The following ART3 variants were observed in gnomAD, a reference collection of about 807,000 sequenced individuals.
The protein encoded by ART3 is ecto-ADP-ribosyltransferase 3.
Under a neutral mutation model 48.5 loss-of-function variants are expected in ART3, and 49 were observed. The observed-to-expected ratio is 1.01, with a 90% confidence interval of 0.80 to 1.28. The LOEUF (loss-of-function observed/expected upper bound fraction) is 1.28, where lower values mean the gene tolerates loss of function less well. Among genes scored for constraint, ART3 ranks in the 50% most tolerant of loss-of-function variants. The pLI, the probability that ART3 is intolerant of heterozygous loss-of-function variation, is 0.00. For synonymous variants in ART3, 145 were observed against 157.2 expected (o/e 0.92, Z 0.58); for missense variants, 438 against 454.3 (o/e 0.96, Z 0.33).
chr4:76,020,479 T>A (rs1732694162), intron 1 of ART3, among the ~76,000 whole-genome samples: 1 of 152,198 alleles, frequency 6.6e-6, no homozygotes, highest in Non-Finnish European at 1.5e-5. Context: ...ATTGTGAAGA[T>A]CTTCTTAGTA....
chr4:76,053,009 A>G (rs1303367515), intron 1 of ART3, among the ~76,000 whole-genome samples: 1 of 152,158 alleles, frequency 6.6e-6, no homozygotes, highest in Non-Finnish European at 1.5e-5. Flanking sequence ...GATTATAAGC[A>G]TGAGCCCCTG....
At chr4:76,030,156 A>G (rs1437966774) in intron 1 of ART3, among the ~76,000 whole-genome samples, 4 of 152,184 alleles carry the variant, frequency 2.6e-5, no homozygotes, top group Non-Finnish European at 5.9e-5. Context: ...TCCCGGGTTC[A>G]AGCGATTCTC....
At chr4:76,094,073 A>G (rs1725496364) in intron 3 of ART3, among the ~76,000 whole-genome samples, 1 of 152,220 alleles carries the variant, frequency 6.6e-6, no homozygotes, top group Admixed American at 6.5e-5. Flanking sequence ...TTTCTCTGAC[A>G]TAATGAGGAT....
intron 1 of ART3, among the ~76,000 whole-genome samples, chr4:76,047,768 C>T (rs1405097045): frequency 2.0e-5 from 3 of 152,022 alleles, no homozygotes; most frequent in South Asian, 2.1e-4. Flanking sequence ...TCCAAACTCT[C>T]GGGCTGCAGC....
intron 1 of ART3, chr4:76,034,478 C>T (rs1169515397): frequency 7.8e-6 from 4 of 515,840 alleles, no homozygotes; most frequent in African/African-American, 4.0e-5. Context: ...CAAGTAAGAA[C>T]GTGAAAGCAC....
chr4:76,101,017 A>G lies in ART3; in HGVS notation c.935A>G (p.His312Arg). The G allele has an allele frequency of 3.1e-6, 5 of 1,613,716 alleles. No individual in the cohort carries two copies. Among genetic ancestry groups the G allele is most frequent in the East Asian group, 2.2e-5 (1 of 44,864 alleles). ...GAGAAAAACCAGAAGCTTGAAGACC[A>G]TGGTAAGACATTTATGTAAATTCTG... ...HGEKNQKLED[H>R]GVKILEPTQI... The change falls in exon 8 of 12, where the codon CAT becomes CGT. Residue 312 changes from histidine to arginine, a missense_variant and splice_region_variant. Around this residue, in one of 3 missense-constraint regions of ART3, gnomAD observed 227 missense variants for 229.6 expected, o/e 0.99. Coordinates refer to ENST00000355810, the MANE Select transcript of ART3 (RefSeq NM_001130016.3).
At chr4:76,049,865 A>G (rs1028008290) in intron 1 of ART3, among the ~76,000 whole-genome samples, 1 of 151,956 alleles carries the variant, frequency 6.6e-6, no homozygotes, top group Non-Finnish European at 1.5e-5. Context: ...GGTGAGTGTT[A>G]CAGCTCTTAA....
At chr4:76,065,544 A>C (rs1325091021) in intron 1 of ART3, among the ~76,000 whole-genome samples, 1 of 73,976 alleles carries the variant, frequency 1.4e-5, no homozygotes, top group East Asian at 1.1e-3. Context: ...ACTCTGATAT[A>C]ACCCTCCAAC....
intron 3 of ART3, among the ~76,000 whole-genome samples, chr4:76,089,886 C>A (rs1206411221): frequency 1.3e-5 from 2 of 152,088 alleles, no homozygotes; most frequent in Non-Finnish European, 2.9e-5. Flanking sequence ...TCGAGACCAG[C>A]CTGGCCAACA....
Position 76,049,855 on chromosome 4 carries a change from G to A in ART3, c.-9-26026G>A, listed in dbSNP as rs183695446. On this transcript the variant is annotated intron_variant, in intron 1 of 9. Coordinates refer to the ART3 transcript ENST00000341029. ...CAAGAATGAAGCCGCGGACCCTCAC[G>A]GTGAGTGTTACAGCTCTTAAGGTGG... is the stretch of plus-strand genomic sequence containing the variant. Among the ~76,000 whole-genome samples the A allele has an allele frequency of 6.2e-3, 942 of 152,056 alleles. 25 individuals are homozygous for A. The highest frequency in any genetic ancestry group is 0.02 in the African/African-American group (838 of 41,510).
chr4:76,079,887 G>GTC (rs1266898088), intron 2 of ART3, among the ~76,000 whole-genome samples: 1 of 150,552 alleles, frequency 6.6e-6, no homozygotes. Flanking sequence ...CTCTCTCTCT[G>GTC]TCTCTCTCTC....
chr4:76,027,056 A>C (rs1733452907), intron 1 of ART3, among the ~76,000 whole-genome samples: 2 of 152,204 alleles, frequency 1.3e-5, no homozygotes, highest in South Asian at 4.1e-4. Context: ...GTTCTAGAAC[A>C]GCCTGGCCAA....
In ART3 at chr4:76,112,654, T is replaced by C; in HGVS notation, c.*135T>C. 1.8e-6 allele frequency: 2 copies of C among 1,081,548 alleles called. No individual in the cohort carries two copies. Among genetic ancestry groups the C allele is most frequent in the East Asian group, 2.8e-5 (1 of 35,562 alleles). 67.0% of individuals were successfully genotyped at this position (1,081,548 alleles called of 1,614,324 possible). Reference sequence around the variant, plus strand: ...AAAATGAGAATTGTATATTTGTTATTCATTTTGCAAATTCAGAAAGTTGGT... The same window carrying C: ...AAAATGAGAATTGTATATTTGTTATCCATTTTGCAAATTCAGAAAGTTGGT... On this transcript the variant is annotated 3_prime_UTR_variant, in exon 12 of 12. Coordinates refer to ENST00000355810, the MANE Select transcript of ART3 (RefSeq NM_001130016.3).
At chr4:76,072,744 C>T (rs1159644027), upstream of ART3, among the ~76,000 whole-genome samples, 2 of 151,704 alleles carry the variant, frequency 1.3e-5, no homozygotes. Context: ...TTCCCACCAC[C>T]CCCTTACATC....
intron 3 of ART3, among the ~76,000 whole-genome samples, chr4:76,093,890 C>T (rs1432142488): frequency 6.6e-6 from 1 of 152,136 alleles, no homozygotes; most frequent in Non-Finnish European, 1.5e-5. Context: ...AATGTATCCC[C>T]CCCAAAATTC....
chr4:76,021,689 G>A (rs886636633), intron 1 of ART3: 5 of 530,664 alleles, frequency 9.4e-6, no homozygotes, highest in African/African-American at 1.9e-5. Flanking sequence ...CACCTCAGTA[G>A]AGCTTACATT....
At chr4:76,081,790 A>C in intron 2 of ART3, 34 bp from the exon 3 acceptor site, 1 of 1,562,240 alleles carries the variant, frequency 6.4e-7, no homozygotes, top group Non-Finnish European at 8.7e-7. Context: ...TGAATTTCTT[A>C]TTTCAAGAGT....
chr4:76,033,523 A>G (rs548424579), intron 1 of ART3, among the ~76,000 whole-genome samples: 11 of 152,298 alleles, frequency 7.2e-5, no homozygotes, highest in African/African-American at 2.2e-4. Flanking sequence ...TGGACTATCA[A>G]GACCCCCCAA....
chr4:76,048,028 C>G (rs1735677285), intron 1 of ART3, among the ~76,000 whole-genome samples: 1 of 151,882 alleles, frequency 6.6e-6, no homozygotes, highest in Non-Finnish European at 1.5e-5. Context: ...GGGACATAAC[C>G]TATAGCCCAG....
Sources: gnomAD v4.1 joint callset for allele counts (sites outside exome capture counted in the v4.1 genomes callset) on GRCh38, gnomAD v4.1.1 for gene constraint, gnomAD v4.1.1 regional missense constraint, MANE v1.5 for transcripts, NCBI Gene and HGNC (gene_info 2026-07-23, HGNC 2026-07-21) for gene names.